AVEN: variants seen among roughly 807,000 people sequenced by gnomAD.
The protein encoded by AVEN is cell death regulator Aven.
AVEN carries 41 observed loss-of-function variants against 38.1 expected under a neutral mutation model. The observed-to-expected ratio is 1.08, with a 90% CI of 0.84 to 1.40. The LOEUF (loss-of-function observed/expected upper bound fraction) is 1.40. AVEN is among the 40% of genes most tolerant of loss of function. AVEN has a pLI of 0.00. For synonymous variants in AVEN, 206 were observed against 171.8 expected (o/e 1.20, Z -1.56); for missense variants, 605 against 438.8 (o/e 1.38, Z -3.38).
intron 2 of AVEN, among the ~76,000 whole-genome samples, chr15:33,993,508 G>T (rs984463977): frequency 6.6e-6 from 1 of 152,126 alleles, no homozygotes; most frequent in African/African-American, 2.4e-5. Flanking sequence ...GGAAAGGGCT[G>T]CCTCTCCAAA....
chr15:33,920,744 T>A (rs1258590500), intron 2 of AVEN, among the ~76,000 whole-genome samples: 1 of 152,026 alleles, frequency 6.6e-6, no homozygotes, highest in African/African-American at 2.4e-5. Flanking sequence ...GACACTTACA[T>A]GTTTGATGAT....
chr15:33,871,095 A>C, intron 3 of AVEN, 65 bp from the exon 4 acceptor site: 3 of 1,060,866 alleles, frequency 2.8e-6, no homozygotes, highest in Non-Finnish European at 3.8e-6. Context: ...GAAATAAAAG[A>C]AGAAACTGTA....
downstream of AVEN, among the ~76,000 whole-genome samples, chr15:33,863,724 TTCTTGAGACACACACATAATTA>T (rs1889380328): frequency 6.6e-6 from 1 of 152,234 alleles, no homozygotes. Context: ...ATGACAGATA[TTCTTGAGACACACACATAATTA>T]ATTTCAATTC....
At chr15:33,945,491 A>C (rs1894470921) in intron 2 of AVEN, among the ~76,000 whole-genome samples, 1 of 151,942 alleles carries the variant, frequency 6.6e-6, no homozygotes, top group Non-Finnish European at 1.5e-5. Context: ...CCTGCTTAAA[A>C]CCTTTAATGG....
At chr15:33,865,663 A>AGTCT (rs1369124602), downstream of AVEN, 4 of 156,088 alleles carry the variant, frequency 2.6e-5, no homozygotes, top group African/African-American at 9.7e-5. Context: ...TAATAACTGC[A>AGTCT]GTCTAATTTT....
chr15:33,892,701 G>C (rs1043503312), intron 2 of AVEN, among the ~76,000 whole-genome samples: 7 of 149,672 alleles, frequency 4.7e-5, no homozygotes, highest in African/African-American at 1.7e-4. Context: ...TTGGCAATGT[G>C]GGCTCTTTTT....
At chr15:33,862,160 C>T (rs1279455220), downstream of AVEN, among the ~76,000 whole-genome samples, 1 of 152,014 alleles carries the variant, frequency 6.6e-6, no homozygotes, top group African/African-American at 2.4e-5. Flanking sequence ...ATGCTGGGCT[C>T]TGCTCCCCAG....
intron 2 of AVEN, among the ~76,000 whole-genome samples, chr15:33,915,992 C>T (rs895805783): frequency 6.6e-6 from 1 of 152,124 alleles, no homozygotes; most frequent in Non-Finnish European, 1.5e-5. Flanking sequence ...GAGAGCCACA[C>T]CTCCACCCCC....
chr15:34,067,675 CAA>C, intron 2 of AVEN, among the ~76,000 whole-genome samples: 1 of 152,178 alleles, frequency 6.6e-6, no homozygotes, highest in East Asian at 1.9e-4. Flanking sequence ...ATAATGATGA[CAA>C]GAGATCTGTG....
chr15:33,925,637 A>T (rs1242511706), intron 2 of AVEN, among the ~76,000 whole-genome samples: 2 of 152,214 alleles, frequency 1.3e-5, no homozygotes, highest in African/African-American at 4.8e-5. Context: ...GTGAGAGCTG[A>T]TACTACTAAC....
chr15:33,941,851 T>C (rs796125129), intron 2 of AVEN, among the ~76,000 whole-genome samples: 15 of 152,330 alleles, frequency 9.8e-5, no homozygotes, highest in African/African-American at 2.4e-4. Context: ...GTAGAACACA[T>C]TGTTAGCTAT....
intron 5 of AVEN, among the ~76,000 whole-genome samples, chr15:34,052,268 T>C (rs1481027123): frequency 6.6e-6 from 1 of 152,202 alleles, no homozygotes; most frequent in African/African-American, 2.4e-5. Context: ...TCTCCATAGA[T>C]GCAGAAAAGG....
chr15:33,918,902 TA>T (rs1893274136), intron 2 of AVEN, among the ~76,000 whole-genome samples: 1 of 150,900 alleles, frequency 6.6e-6, no homozygotes, highest in Non-Finnish European at 1.5e-5. Flanking sequence ...ACACATGAAA[TA>T]GCCCATGCCT....
At chr15:34,048,037 T>TG (rs1899780435) in intron 5 of AVEN, among the ~76,000 whole-genome samples, 5 of 77,124 alleles carry the variant, frequency 6.5e-5, no homozygotes, top group Non-Finnish European at 1.0e-4. Context: ...GTGTGTGTGT[T>TG]TGTGTGTGTG....
Position 33,866,425 on chromosome 15 carries a change from T to A in AVEN, c.*188A>T. 1 of 585,868 alleles carries A rather than the reference T, an allele frequency of 1.7e-6. No homozygotes were observed. Among genetic ancestry groups the A allele is most frequent in the South Asian group, 2.2e-5 (1 of 45,340 alleles). The allele number at this position is 585,868 out of a possible 1,614,324, so 36.3% of individuals were successfully genotyped here. Reference sequence around the variant, plus strand: ...TAGATTACTAAGCCAGAAAAACAAATGCAACAAGCTGCTTCAATGTATTCT... The same window carrying A: ...TAGATTACTAAGCCAGAAAAACAAAAGCAACAAGCTGCTTCAATGTATTCT... On this transcript the variant is annotated 3_prime_UTR_variant, in exon 6 of 6. Coordinates refer to ENST00000306730, the MANE Select transcript of AVEN (RefSeq NM_020371.3).
At chr15:33,961,778 A>C (rs754977159) in intron 2 of AVEN, among the ~76,000 whole-genome samples, 260 of 126,292 alleles carry the variant, frequency 2.1e-3, no homozygotes, top group Non-Finnish European at 2.9e-3. Flanking sequence ...GCGCCACTGC[A>C]CTCCAGCCTG....
At chr15:33,853,057 TAA>T in the AVEN span, 1 of 1,607,194 alleles carries the variant, frequency 6.2e-7, no homozygotes, top group Non-Finnish European at 8.5e-7. Flanking sequence ...CTTTTCCTAA[TAA>T]CTACTGGGAC....
intron 2 of AVEN, among the ~76,000 whole-genome samples, chr15:33,886,603 C>G (rs555470948): frequency 6.6e-6 from 1 of 152,338 alleles, no homozygotes; most frequent in Non-Finnish European, 1.5e-5. Flanking sequence ...TCCCCCTTCA[C>G]TCAGCTCTCA....
intron 11 of AVEN, chr15:33,860,770 C>T (rs745826303): frequency 1.3e-5 from 11 of 872,630 alleles, no homozygotes; most frequent in African/African-American, 8.5e-5. Flanking sequence ...TAAGCAAGAA[C>T]GCAGTTTGTT....
Sources: gnomAD v4.1 joint callset for allele counts (sites outside exome capture counted in the v4.1 genomes callset) on GRCh38, gnomAD v4.1.1 for gene constraint, MANE v1.5 for transcripts, NCBI Gene and HGNC (gene_info 2026-07-23, HGNC 2026-07-21) for gene names.